Variants in LPA observed in about 807,000 individuals in gnomAD.
LPA encodes the protein lipoprotein(a), also known as apolipoprotein(a).
LPA carries 199 observed loss-of-function variants against 197.9 expected under a neutral mutation model. The observed-to-expected ratio is 1.01, with a 90% CI of 0.90 to 1.13. The LOEUF (loss-of-function observed/expected upper bound fraction) is 1.13, where lower values mean the gene tolerates loss of function less well. LPA is among the 50% of genes most tolerant of loss of function. The pLI is 0.00. For missense variants in LPA, 1,853 were observed against 1,785.8 expected (o/e 1.04, Z -0.68); for synonymous variants, 715 against 639.5 (o/e 1.12, Z -1.78).
intron 24 of LPA, 105 bp downstream of exon 24, chr6:160,589,448 G>T (rs1408001582): frequency 2.3e-6 from 3 of 1,328,804 alleles, no homozygotes; most frequent in African/African-American, 1.5e-5. Context: ...CAACATTCTG[G>T]GTCTGAGAGA....
chr6:160,542,721 T>G lies in LPA; in HGVS notation c.5486A>C (p.His1829Pro), dbSNP rs1778001096. The change falls in exon 34 of 39, where the codon CAT (histidine) becomes CCT (proline). Residue 1829 changes from histidine to proline, a missense_variant. Around this residue, in one of 3 missense-constraint regions of LPA, gnomAD observed 1,737 missense variants for 1,504.4 expected, o/e 1.15. Coordinates refer to ENST00000316300, the MANE Select transcript of LPA (RefSeq NM_005577.4). ...SIVGGCVAHPHSWPWQVSLRT... is the reference protein window; with the variant it reads ...SIVGGCVAHPPSWPWQVSLRT... ...GAGACTGACTTGCCAGGGCCAGGAA[T>G]GTGGGTGGGCCACACACCCCCCTAC... 1 of 1,613,990 alleles carries G rather than the reference T, an allele frequency of 6.2e-7. No homozygotes were observed. Among genetic ancestry groups the G allele is most frequent in the East Asian group, 2.2e-5 (1 of 44,874 alleles).
intron 20 of LPA, among the ~76,000 whole-genome samples, chr6:160,597,384 C>T (rs1369969284): frequency 6.6e-6 from 1 of 152,128 alleles, no homozygotes; most frequent in Non-Finnish European, 1.5e-5. Context: ...TTGAGCATTG[C>T]TACATATTCC....
intron 37 of LPA, among the ~76,000 whole-genome samples, chr6:160,534,316 A>C (rs1240699972): frequency 5.9e-5 from 9 of 152,234 alleles, no homozygotes; most frequent in Admixed American, 5.9e-4. Flanking sequence ...AAACATCCTG[A>C]TAAGAGGGAA....
intron 24 of LPA, among the ~76,000 whole-genome samples, chr6:160,587,491 T>C (rs1045324790): frequency 6.6e-6 from 1 of 152,204 alleles, no homozygotes; most frequent in African/African-American, 2.4e-5. Context: ...AGCTTTGAAT[T>C]GAGGCAACTT....
At chr6:160,647,736 T>C (rs1208867321) in intron 2 of LPA, among the ~76,000 whole-genome samples, 2 of 152,220 alleles carry the variant, frequency 1.3e-5, no homozygotes, top group Non-Finnish European at 2.9e-5. Context: ...GTGGTACACT[T>C]CCAATTAATC....
chr6:160,561,981 A>C (rs1370410620), intron 28 of LPA, among the ~76,000 whole-genome samples: 1 of 152,142 alleles, frequency 6.6e-6, no homozygotes, highest in African/African-American at 2.4e-5. Context: ...GAGATGATAG[A>C]GTTTTCTAAA....
intron 37 of LPA, among the ~76,000 whole-genome samples, chr6:160,535,970 G>T (rs995720888): frequency 7.9e-5 from 12 of 152,122 alleles, no homozygotes; most frequent in African/African-American, 2.9e-4. Context: ...CCTCTTGAAG[G>T]ATCTATCTAA....
At position 160,541,145 on chromosome 6, in the gene LPA, G is replaced by C. The variant is rs772071086; in HGVS notation, c.5556C>G (p.Ser1852=). 6.8e-6 allele frequency: 11 copies of C among 1,613,950 alleles called. No individual in the cohort carries two copies. In the East Asian group the frequency reaches 2.5e-4, roughly 36 times the overall value. The change falls in exon 35 of 39, where the codon TCC becomes TCG. Residue 1852 remains serine (S), a synonymous_variant. Transcript: ENST00000316300. ...GAGCAGCAGTCAGCACCCACTCTGG[G>C]GATATTAAGGTGCCTCCACAGAAGT... ...GKHFCGGTLI[S]PEWVLTAAHC...
intron 28 of LPA, among the ~76,000 whole-genome samples, chr6:160,576,841 C>T (rs1286367116): frequency 6.6e-6 from 1 of 151,362 alleles, no homozygotes; most frequent in East Asian, 1.9e-4. Flanking sequence ...TTTTAGTGGG[C>T]ATTGTGGAAT....
intron 21 of LPA, among the ~76,000 whole-genome samples, chr6:160,594,404 TC>T (rs1779090964): frequency 6.6e-6 from 1 of 152,164 alleles, no homozygotes. Context: ...AATATAGACA[TC>T]TTCTGGGTGT....
chr6:160,604,409 C>T (rs1217336330), intron 18 of LPA, among the ~76,000 whole-genome samples: 3 of 152,092 alleles, frequency 2.0e-5, no homozygotes, highest in Non-Finnish European at 4.4e-5. Flanking sequence ...CACTTATGGC[C>T]TAAAGCCTGG....
At chr6:160,615,338 G>A (rs1388158982) in intron 14 of LPA, among the ~76,000 whole-genome samples, 1 of 146,792 alleles carries the variant, frequency 6.8e-6, no homozygotes. Context: ...TGTGAGTATG[G>A]GTGTGTTTTC....
At position 160,634,987 on chromosome 6, in the gene LPA, G is replaced by A. The variant is rs577078430; in HGVS notation, c.1075+136C>T. On this transcript the variant is annotated intron_variant, in intron 7 of 38. Coordinates refer to ENST00000316300, the MANE Select transcript of LPA (RefSeq NM_005577.4). ...TGGCTCCCCCAGAGAGTACACGGAG[G>A]CTTCCCCCAACATGGCAGAACTCCG... The A allele has an allele frequency of 1.3e-5, 19 of 1,503,416 alleles. 1 individual carries two copies. Among genetic ancestry groups the A allele is most frequent in the African/African-American group, 1.0e-4 (7 of 68,828 alleles). 93.1% of individuals were successfully genotyped at this position (1,503,416 alleles called of 1,614,324 possible). A position where few individuals can be genotyped will look rare whatever the true frequency, so the allele number is the denominator to read the frequency against.
At chr6:160,540,258 G>T (rs539190524) in intron 35 of LPA, 75 bp from the exon 36 acceptor site, 1 of 1,576,062 alleles carries the variant, frequency 6.3e-7, no homozygotes, top group Non-Finnish European at 8.7e-7. Flanking sequence ...TGAACTTGGC[G>T]CTGTCCCTCT....
intron 28 of LPA, among the ~76,000 whole-genome samples, chr6:160,573,461 T>G (rs1219926547): frequency 3.9e-5 from 6 of 152,128 alleles, no homozygotes; most frequent in Admixed American, 2.0e-4. Context: ...TTCTTCTTGG[T>G]TTGGATCCAT....
intron 18 of LPA, among the ~76,000 whole-genome samples, chr6:160,604,074 C>A (rs954831905): frequency 6.6e-6 from 1 of 152,124 alleles, no homozygotes; most frequent in Non-Finnish European, 1.5e-5. Context: ...GCACATGCAA[C>A]GTCATGTTTA....
rs56164694 is a variant in LPA, at chr6:160,584,170, T to TTTCTTCTTCTTCTTC, written c.4289+861_4289+875dup. 4.7e-4 allele frequency among the ~76,000 whole-genome samples: 49 copies of TTTCTTCTTCTTCTTC among 103,234 alleles called. 2 individuals carry two copies. Among genetic ancestry groups the TTTCTTCTTCTTCTTC allele is most frequent in the East Asian group, 8.5e-4 (3 of 3,536 alleles). The allele number at this position is 103,234 out of a possible 152,430, so 67.7% of individuals were successfully genotyped here. On this transcript the variant is annotated intron_variant, in intron 26 of 38. Transcript: ENST00000316300. ...TATAAATATATGCACTCATTTCTAT[T>TTTCTTCTTCTTCTTC]TTCTTCTTCTTCTTCTTCTTCTTCT...
At chr6:160,659,024 C>T (rs144765766) in intron 1 of LPA, among the ~76,000 whole-genome samples, 13 of 152,140 alleles carry the variant, frequency 8.5e-5, no homozygotes, top group African/African-American at 2.9e-4. Context: ...ATTACAAGGT[C>T]CCATAATAGG....
At chr6:160,545,860 G>A (rs1236792711) in intron 32 of LPA, among the ~76,000 whole-genome samples, 1 of 152,106 alleles carries the variant, frequency 6.6e-6, no homozygotes, top group African/African-American at 2.4e-5. Flanking sequence ...CATCATTGAT[G>A]AGCTTTGTCC....
Sources: allele counts gnomAD v4.1 joint callset (sites outside exome capture counted in the v4.1 genomes callset), GRCh38; gene constraint gnomAD v4.1.1; regional missense constraint gnomAD v4.1.1; transcripts MANE v1.5; gene names NCBI Gene and HGNC (gene_info 2026-07-23, HGNC 2026-07-21).